CERS6: variants seen among roughly 807,000 people sequenced by gnomAD.
CERS6 encodes the protein ceramide synthase 6.
CERS6 carries 26 observed loss-of-function variants against 56.8 expected under a neutral mutation model. The ratio of observed to expected loss-of-function variants is 0.46; its 90% CI spans 0.34 to 0.63. The LOEUF is 0.63. Among genes scored for constraint, CERS6 ranks in the 30% least tolerant of loss-of-function variants. The pLI is 0.01. For missense variants in CERS6, 415 were observed against 467.5 expected, an observed-to-expected ratio of 0.89 and a Z score of 1.04; for synonymous variants, 164 against 173.3, an observed-to-expected ratio of 0.95 and a Z score of 0.42.
intron 1 of CERS6, among the ~76,000 whole-genome samples, chr2:168,473,930 C>T (rs1174458500): frequency 6.6e-6 from 1 of 152,078 alleles, no homozygotes; most frequent in Non-Finnish European, 1.5e-5. Context: ...TGGTGGCACG[C>T]ACCTGTAGTC....
chr2:168,640,798 G>A (rs1684971440), intron 4 of CERS6, among the ~76,000 whole-genome samples: 1 of 152,184 alleles, frequency 6.6e-6, no homozygotes, highest in South Asian at 2.1e-4. Context: ...GAGTTTTCCT[G>A]CTTGTCCTCA....
At chr2:168,609,250 C>T (rs1430815136) in intron 3 of CERS6, among the ~76,000 whole-genome samples, 1 of 152,196 alleles carries the variant, frequency 6.6e-6, no homozygotes, top group Non-Finnish European at 1.5e-5. Context: ...CCGCTTCAGC[C>T]TCCCAAGTAG....
intron 4 of CERS6, among the ~76,000 whole-genome samples, chr2:168,662,068 C>T (rs563744455): frequency 4.4e-4 from 66 of 149,956 alleles, no homozygotes; most frequent in Admixed American, 8.6e-4. Context: ...ACTGAGTGTT[C>T]GGTCATAATT....
Position 168,685,093 on chromosome 2 carries a change from A to G in CERS6, c.466-5941A>G, listed in dbSNP as rs775055814. 2.6e-5 allele frequency among the ~76,000 whole-genome samples: 4 copies of G among 152,222 alleles called. No individual in the cohort carries two copies. In the South Asian group the frequency reaches 6.2e-4, roughly 24 times the overall value. The stretch of plus-strand genomic sequence containing the variant: ...ATAGAGAACAAATGTCTGTTAGACT[A>G]TATTCCTTGACTCCTAGTTGCATCA... On this transcript the variant is annotated intron_variant, in intron 4 of 9. Transcript: ENST00000305747.
At chr2:168,604,510 A>G (rs1684006653) in intron 3 of CERS6, among the ~76,000 whole-genome samples, 2 of 152,108 alleles carry the variant, frequency 1.3e-5, no homozygotes, top group South Asian at 2.1e-4. Flanking sequence ...GTTTGGATCT[A>G]TGTCCCCAGC....
chr2:168,743,758 A>G (rs957092254), intron 8 of CERS6, among the ~76,000 whole-genome samples: 11 of 152,158 alleles, frequency 7.2e-5, no homozygotes, highest in African/African-American at 2.7e-4. Flanking sequence ...TAAATGACCC[A>G]GGTCATTGTA....
At chr2:168,730,770 TAA>T (rs1683506030) in intron 8 of CERS6, among the ~76,000 whole-genome samples, 1 of 152,170 alleles carries the variant, frequency 6.6e-6, no homozygotes, top group Non-Finnish European at 1.5e-5. Context: ...AGTTGTGTCT[TAA>T]GACTACTTTA....
chr2:168,587,744 A>G (rs953249817), intron 3 of CERS6, among the ~76,000 whole-genome samples: 2 of 151,434 alleles, frequency 1.3e-5, no homozygotes, highest in African/African-American at 4.8e-5. Context: ...AATATATAAT[A>G]TGATTAATAT....
intron 1 of CERS6, among the ~76,000 whole-genome samples, chr2:168,522,756 C>T (rs1019628421): frequency 6.6e-6 from 1 of 151,986 alleles, no homozygotes; most frequent in African/African-American, 2.4e-5. Flanking sequence ...ACTTTGTTGC[C>T]CAGGCTGGGC....
At chr2:168,739,867 G>A (rs551937818) in intron 8 of CERS6, among the ~76,000 whole-genome samples, 3 of 151,940 alleles carry the variant, frequency 2.0e-5, no homozygotes, top group African/African-American at 7.2e-5. Flanking sequence ...GATTACAGGC[G>A]CACACCTAAT....
At chr2:168,681,503 T>G (rs1257375169) in intron 4 of CERS6, among the ~76,000 whole-genome samples, 1 of 152,202 alleles carries the variant, frequency 6.6e-6, no homozygotes, top group African/African-American at 2.4e-5. Context: ...ATTCTTGTTT[T>G]TATTATTTTT....
intron 6 of CERS6, among the ~76,000 whole-genome samples, chr2:168,706,735 A>G (rs577123344): frequency 6.6e-6 from 1 of 152,346 alleles, no homozygotes; most frequent in East Asian, 1.9e-4. Flanking sequence ...AAATGTGTTG[A>G]AGTTAGCCAC....
chr2:168,738,821 AC>A (rs1683795009), intron 8 of CERS6, among the ~76,000 whole-genome samples: 1 of 152,186 alleles, frequency 6.6e-6, no homozygotes, highest in Non-Finnish European at 1.5e-5. Context: ...GCTGTAACCC[AC>A]AGCAGACAGC....
intron 3 of CERS6, among the ~76,000 whole-genome samples, chr2:168,590,552 A>G (rs1171342560): frequency 6.6e-6 from 1 of 152,232 alleles, no homozygotes; most frequent in African/African-American, 2.4e-5. Flanking sequence ...GTAAGAGTAT[A>G]TAAAAGTTAG....
intron 3 of CERS6, among the ~76,000 whole-genome samples, chr2:168,623,916 A>G (rs1330150227): frequency 6.6e-6 from 1 of 152,184 alleles, no homozygotes; most frequent in Admixed American, 6.5e-5. Context: ...TTAAATGTAG[A>G]AAAGTTTACA....
intron 2 of CERS6, among the ~76,000 whole-genome samples, chr2:168,558,240 C>T (rs1441241244): frequency 6.6e-6 from 1 of 151,096 alleles, no homozygotes; most frequent in African/African-American, 2.4e-5. Flanking sequence ...TAGACCCCTT[C>T]GATCTACAAC....
At chr2:168,465,264 G>T (rs1693850736) in intron 1 of CERS6, among the ~76,000 whole-genome samples, 1 of 152,208 alleles carries the variant, frequency 6.6e-6, no homozygotes, top group Non-Finnish European at 1.5e-5. Context: ...TTTGGAGGCT[G>T]GAGAGTCCAA....
At chr2:168,701,233 C>T (rs201685811) in intron 6 of CERS6, among the ~76,000 whole-genome samples, 1 of 152,126 alleles carries the variant, frequency 6.6e-6, no homozygotes, top group Non-Finnish European at 1.5e-5. Flanking sequence ...GTAATTGCTG[C>T]ATATCTTAGC....
intron 1 of CERS6, among the ~76,000 whole-genome samples, chr2:168,541,480 C>CA (rs1695368651): frequency 1.4e-5 from 2 of 145,174 alleles, no homozygotes; most frequent in Admixed American, 1.4e-4. Context: ...TTTTTTCTTT[C>CA]TTTTTTTTTT....
Sources: allele counts gnomAD v4.1 joint callset (sites outside exome capture counted in the v4.1 genomes callset), GRCh38; gene constraint gnomAD v4.1.1; transcripts MANE v1.5; gene names NCBI Gene and HGNC (gene_info 2026-07-23, HGNC 2026-07-21).